The following FRMD4A variants were observed in gnomAD, a reference collection of about 807,000 sequenced individuals.
FRMD4A encodes the protein FERM domain containing 4A.
Under a neutral mutation model 129.1 loss-of-function variants are expected in FRMD4A, and 29 were observed. That is an observed-to-expected ratio of 0.22 (90% confidence interval 0.17 to 0.31). FRMD4A has a LOEUF of 0.31. FRMD4A is among the 10% of genes least tolerant of loss of function. The pLI, the probability that FRMD4A is intolerant of heterozygous loss-of-function variation, is 1.00. For synonymous variants in FRMD4A, 634 were observed against 571.6 expected, an observed-to-expected ratio of 1.11 and a Z score of -1.56; for missense variants, 1,272 against 1,375.8, an observed-to-expected ratio of 0.92 and a Z score of 1.19.
chr10:13,869,361 G>C (rs751433362), intron 2 of FRMD4A, among the ~76,000 whole-genome samples: 1 of 152,248 alleles, frequency 6.6e-6, no homozygotes, highest in Non-Finnish European at 1.5e-5. Context: ...CCACAGCTCA[G>C]TTGTGTGATG....
intron 2 of FRMD4A, among the ~76,000 whole-genome samples, chr10:14,173,326 A>C (rs1346990813): frequency 6.6e-6 from 1 of 152,080 alleles, no homozygotes; most frequent in Non-Finnish European, 1.5e-5. Context: ...GTCTCTTGAA[A>C]GTGAAAAAGC....
At chr10:14,124,352 A>G (rs932792345) in intron 2 of FRMD4A, among the ~76,000 whole-genome samples, 5 of 152,082 alleles carry the variant, frequency 3.3e-5, no homozygotes, top group Admixed American at 6.6e-5. Flanking sequence ...TATTACCCCC[A>G]TTTCACAGAT....
chr10:14,016,801 C>T (rs940539812), intron 2 of FRMD4A, among the ~76,000 whole-genome samples: 3 of 152,196 alleles, frequency 2.0e-5, no homozygotes, highest in South Asian at 2.1e-4. Context: ...GGATCTCACT[C>T]GATCTTTCTG....
At chr10:14,099,273 T>G (rs1409188828) in intron 2 of FRMD4A, among the ~76,000 whole-genome samples, 1 of 152,162 alleles carries the variant, frequency 6.6e-6, no homozygotes, top group Non-Finnish European at 1.5e-5. Flanking sequence ...CTTCCTAATA[T>G]GTACAGTAAA....
intron 2 of FRMD4A, among the ~76,000 whole-genome samples, chr10:14,250,895 C>T (rs777604747): frequency 1.1e-4 from 17 of 152,156 alleles, no homozygotes; most frequent in Non-Finnish European, 8.8e-5. Context: ...GAATGAAAAA[C>T]ATAATACGAG....
At chr10:14,044,337 T>C (rs1325926935) in intron 2 of FRMD4A, among the ~76,000 whole-genome samples, 1 of 152,244 alleles carries the variant, frequency 6.6e-6, no homozygotes, top group Non-Finnish European at 1.5e-5. Context: ...TGCATTTGGC[T>C]GCTTCACTAT....
At chr10:13,944,362 T>C (rs1475780620) in intron 2 of FRMD4A, among the ~76,000 whole-genome samples, 1 of 151,940 alleles carries the variant, frequency 6.6e-6, no homozygotes, top group Non-Finnish European at 1.5e-5. Context: ...TGCCTGATGA[T>C]TTGTCACTGT....
At chr10:14,267,992 G>A (rs1028328679) in intron 2 of FRMD4A, among the ~76,000 whole-genome samples, 1 of 152,006 alleles carries the variant, frequency 6.6e-6, no homozygotes, top group African/African-American at 2.4e-5. Flanking sequence ...AACTAATCTG[G>A]GTTTTAAAAT....
At chr10:14,088,375 C>T (rs1182559837) in intron 2 of FRMD4A, among the ~76,000 whole-genome samples, 1 of 150,136 alleles carries the variant, frequency 6.7e-6, no homozygotes, top group Non-Finnish European at 1.5e-5. Flanking sequence ...TGAGCGTGGG[C>T]GGCCGAAGCT....
At chr10:13,711,133 T>C (rs1391274115) in intron 12 of FRMD4A, among the ~76,000 whole-genome samples, 4 of 152,160 alleles carry the variant, frequency 2.6e-5, no homozygotes, top group Non-Finnish European at 5.9e-5. Context: ...GGAGCAGGAA[T>C]ATGAAGGCAG....
At chr10:13,963,196 A>G (rs2095457921) in intron 2 of FRMD4A, among the ~76,000 whole-genome samples, 1 of 152,162 alleles carries the variant, frequency 6.6e-6, no homozygotes, top group South Asian at 2.1e-4. Flanking sequence ...GAAAAAAACT[A>G]AAACAAACAA....
intron 2 of FRMD4A, among the ~76,000 whole-genome samples, chr10:14,009,249 A>G (rs55795736): frequency 0.2 from 30,588 of 152,054 alleles, 3,498 homozygotes; most frequent in East Asian, 0.45. Context: ...TTATTTCCAT[A>G]GCAGAAAAAA....
chr10:13,978,814 G>T (rs966190145), intron 2 of FRMD4A, among the ~76,000 whole-genome samples: 8 of 152,186 alleles, frequency 5.3e-5, no homozygotes, highest in Non-Finnish European at 1.2e-4. Context: ...AAAATATTTT[G>T]GGTCCCTGGG....
chr10:13,811,046 C>T (rs985763084), intron 3 of FRMD4A, 138 bp from the exon 4 acceptor site: 4 of 554,632 alleles, frequency 7.2e-6, no homozygotes, highest in East Asian at 3.1e-5. Context: ...TTTTTATAAA[C>T]CCAAACAAAT....
chr10:14,061,152 T>G (rs1834791059), intron 2 of FRMD4A, among the ~76,000 whole-genome samples: 1 of 152,178 alleles, frequency 6.6e-6, no homozygotes, highest in Non-Finnish European at 1.5e-5. Flanking sequence ...ATGCAATATT[T>G]AAAAGCACAT....
intron 2 of FRMD4A, among the ~76,000 whole-genome samples, chr10:14,204,738 T>C (rs1302261145): frequency 6.6e-6 from 1 of 152,110 alleles, no homozygotes; most frequent in Non-Finnish European, 1.5e-5. Context: ...AATCGGAGCC[T>C]GGAGAGAGAG....
At position 13,881,030 on chromosome 10, in the gene FRMD4A, G is replaced by C. The variant is rs190287791; in HGVS notation, c.46-22118C>G. ...AGGTATGTGTTGAATGATTGAATGG[G>C]TGGGTGCATGAATGAATTAATGAAT... On this transcript the variant is annotated intron_variant, in intron 2 of 24. Coordinates refer to ENST00000357447, the MANE Select transcript of FRMD4A (RefSeq NM_018027.5). 5.3e-5 allele frequency among the ~76,000 whole-genome samples: 8 copies of C among 152,232 alleles called. No homozygotes were observed. In the East Asian group the frequency reaches 1.5e-3, roughly 29 times the overall value.
chr10:13,857,914 T>G (rs183443287), intron 3 of FRMD4A, among the ~76,000 whole-genome samples: 1 of 152,288 alleles, frequency 6.6e-6, no homozygotes, highest in Admixed American at 6.5e-5. Flanking sequence ...TAAGAACAAG[T>G]TGAAAAAGGT....
At chr10:14,156,864 C>T (rs1429750348) in intron 2 of FRMD4A, among the ~76,000 whole-genome samples, 3 of 152,198 alleles carry the variant, frequency 2.0e-5, no homozygotes, top group Non-Finnish European at 4.4e-5. Flanking sequence ...GCTTCTTCAT[C>T]CTTTGTTAGT....
Sources: allele counts gnomAD v4.1 joint callset (sites outside exome capture counted in the v4.1 genomes callset), GRCh38; gene constraint gnomAD v4.1.1; transcripts MANE v1.5; gene names NCBI Gene and HGNC (gene_info 2026-07-23, HGNC 2026-07-21).